The following TRHR variants were observed in gnomAD, a reference collection of about 807,000 sequenced individuals.
TRHR encodes thyrotropin releasing hormone receptor.
A neutral mutation model predicts 28.0 loss-of-function variants in TRHR; 14 were observed. The observed-to-expected ratio is 0.50, with a 90% CI of 0.33 to 0.78. The LOEUF is 0.78. Ranked by LOEUF, TRHR falls within the 30% of genes least tolerant of loss-of-function variation. The pLI is 0.02. For missense variants in TRHR, 438 were observed against 469.5 expected, an observed-to-expected ratio of 0.93 and a Z score of 0.62; for synonymous variants, 176 against 171.9, an observed-to-expected ratio of 1.02 and a Z score of -0.18.
intron 2 of TRHR, among the ~76,000 whole-genome samples, chr8:109,094,706 C>T (rs754083823): frequency 1.6e-4 from 24 of 150,198 alleles, no homozygotes; most frequent in Non-Finnish European, 3.6e-4. Context: ...TTTATATTTG[C>T]ATGTTGCAAA....
Position 109,120,078 on chromosome 8 carries a change from C to T in TRHR, c.*623C>T, listed in dbSNP as rs1811984132. On this transcript the variant is annotated 3_prime_UTR_variant, in exon 3 of 3. Coordinates refer to ENST00000518632, the MANE Select transcript of TRHR (RefSeq NM_003301.7). ...TCTTAGAAGGTAGATAATCATCACT[C>T]AACTTTAATGTAAAATAAACCTCAA... Among the ~76,000 whole-genome samples, 1 of 151,702 alleles carries T rather than the reference C, an allele frequency of 6.6e-6. No homozygotes were observed.
intron 2 of TRHR, among the ~76,000 whole-genome samples, chr8:109,106,673 T>C (rs1185633994): frequency 1.3e-5 from 2 of 152,134 alleles, no homozygotes; most frequent in East Asian, 1.9e-4. Context: ...TGCCCTTTTA[T>C]ATACCAGGAA....
chr8:109,104,854 T>C (rs1283936506), intron 2 of TRHR, among the ~76,000 whole-genome samples: 6 of 152,080 alleles, frequency 3.9e-5, no homozygotes, highest in Admixed American at 2.6e-4. Flanking sequence ...GCACCGGGGC[T>C]CATACCTGTA....
At chr8:109,109,139 T>A (rs1236758481) in intron 2 of TRHR, among the ~76,000 whole-genome samples, 1 of 152,138 alleles carries the variant, frequency 6.6e-6, no homozygotes, top group East Asian at 1.9e-4. Flanking sequence ...TAAACTCTTG[T>A]GTAGAAATAA....
At chr8:109,112,170 G>T (rs1811844197) in intron 2 of TRHR, among the ~76,000 whole-genome samples, 1 of 152,116 alleles carries the variant, frequency 6.6e-6, no homozygotes, top group African/African-American at 2.4e-5. Flanking sequence ...ACACATAGAA[G>T]GACAAAGCCA....
intron 2 of TRHR, among the ~76,000 whole-genome samples, chr8:109,094,862 T>C (rs1811565641): frequency 6.6e-6 from 1 of 152,062 alleles, no homozygotes; most frequent in Non-Finnish European, 1.5e-5. Flanking sequence ...AGAAACATCA[T>C]AAAATCAGCT....
chr8:109,087,860 A>C lies in TRHR; in HGVS notation c.348A>C (p.Ile116=). ...YLGINASSCS[I]TAFTIERYIA... is the part of the protein sequence containing the mutation. ...GAATTAATGCATCCTCTTGTTCAATAACAGCCTTTACCATTGAGAGGTACA... is the reference window on the plus strand; with the variant it reads ...GAATTAATGCATCCTCTTGTTCAATCACAGCCTTTACCATTGAGAGGTACA... Residue 116 remains isoleucine (I), a synonymous_variant, in exon 2 of 3, where the codon ATA becomes ATC. Transcript: ENST00000518632. The C allele has an allele frequency of 6.2e-7, 1 of 1,614,164 alleles. No individual in the cohort carries two copies. Among genetic ancestry groups the C allele is most frequent in the Non-Finnish European group, 8.5e-7 (1 of 1,180,034 alleles).
Position 109,120,573 on chromosome 8 carries a change from T to A in TRHR, c.*1118T>A, listed in dbSNP as rs5780. On this transcript the variant is annotated 3_prime_UTR_variant, in exon 3 of 3. Coordinates refer to ENST00000518632, the MANE Select transcript of TRHR (RefSeq NM_003301.7). Reference sequence around the variant, plus strand: ...TTGTTTGTAGGTTCTTTTTTTGTTTTTCTCAAATGCTAGTGATATTTTGTT... The same window carrying A: ...TTGTTTGTAGGTTCTTTTTTTGTTTATCTCAAATGCTAGTGATATTTTGTT... Among the ~76,000 whole-genome samples, 329 of 151,944 alleles carry A rather than the reference T, an allele frequency of 2.2e-3. No homozygotes were observed. Among genetic ancestry groups the A allele is most frequent in the Middle Eastern group, 0.02 (6 of 294 alleles).
chr8:109,101,768 A>G (rs1242485150), intron 2 of TRHR, among the ~76,000 whole-genome samples: 1 of 152,186 alleles, frequency 6.6e-6, no homozygotes, highest in Non-Finnish European at 1.5e-5. Flanking sequence ...CAGAAGAAAC[A>G]TATAGACTGG....
chr8:109,108,014 T>A (rs1184255144), intron 2 of TRHR, among the ~76,000 whole-genome samples: 1 of 152,166 alleles, frequency 6.6e-6, no homozygotes, highest in Non-Finnish European at 1.5e-5. Context: ...TGCCTATCCC[T>A]TGGCTGACTC....
intron 2 of TRHR, among the ~76,000 whole-genome samples, chr8:109,115,221 T>C (rs1811902000): frequency 6.6e-6 from 1 of 152,164 alleles, no homozygotes; most frequent in African/African-American, 2.4e-5. Flanking sequence ...ACTGTAGCTT[T>C]GTAGTATAGT....
chr8:109,100,658 A>C (rs7821463), intron 2 of TRHR, among the ~76,000 whole-genome samples: 1 of 151,980 alleles, frequency 6.6e-6, no homozygotes, highest in Non-Finnish European at 1.5e-5. Context: ...TCACAAAAAC[A>C]TTCACAATCT....
intron 2 of TRHR, among the ~76,000 whole-genome samples, chr8:109,098,088 G>A (rs1439547466): frequency 2.0e-5 from 3 of 151,520 alleles, no homozygotes; most frequent in Non-Finnish European, 4.4e-5. Flanking sequence ...CTCCTGCCTT[G>A]CCACATGTGA....
chr8:109,089,972 G>T (rs1361189986), intron 2 of TRHR, among the ~76,000 whole-genome samples: 1 of 152,016 alleles, frequency 6.6e-6, no homozygotes, highest in Admixed American at 6.6e-5. Context: ...GCTTTAATTT[G>T]CTAATTATGT....
At chr8:109,094,468 A>T (rs2129880286) in intron 2 of TRHR, among the ~76,000 whole-genome samples, 1 of 152,184 alleles carries the variant, frequency 6.6e-6, no homozygotes, top group South Asian at 2.1e-4. Flanking sequence ...GTTCAACTAT[A>T]TACTTAATAG....
intron 2 of TRHR, among the ~76,000 whole-genome samples, chr8:109,105,448 A>T (rs188478833): frequency 1.3e-5 from 2 of 152,326 alleles, no homozygotes; most frequent in African/African-American, 4.8e-5. Context: ...TATGTTGAAT[A>T]CTTGCACATC....
intron 2 of TRHR, among the ~76,000 whole-genome samples, chr8:109,092,407 ATTAT>A (rs932121087): frequency 1.3e-5 from 2 of 150,536 alleles, no homozygotes; most frequent in Non-Finnish European, 3.0e-5. Context: ...CTTTTTATTT[ATTAT>A]TTATTTATTT....
Position 109,087,769 on chromosome 8 carries a change from G to GT in TRHR, c.258dup (p.Ile87TyrfsTer24), listed in dbSNP as rs1204873703. The GT allele has an allele frequency of 6.2e-7, 1 of 1,614,024 alleles. No homozygotes were observed. Among genetic ancestry groups the GT allele is most frequent in the Non-Finnish European group, 8.5e-7 (1 of 1,180,048 alleles). On this transcript the variant is annotated frameshift_variant, in exon 2 of 3. Coordinates refer to ENST00000518632, the MANE Select transcript of TRHR (RefSeq NM_003301.7). LOFTEE classifies it high-confidence loss of function. ...GCAGGCCTCCCCAACATAACAGACA[G>GT]TATCTACGGTTCCTGGGTCTATGGC...
intron 2 of TRHR, among the ~76,000 whole-genome samples, chr8:109,104,699 T>C (rs1275147201): frequency 6.6e-6 from 1 of 152,126 alleles, no homozygotes; most frequent in African/African-American, 2.4e-5. Context: ...TGAGGCAACA[T>C]TGCAGACTCT....
Sources: allele counts gnomAD v4.1 joint callset (sites outside exome capture counted in the v4.1 genomes callset), GRCh38; gene constraint gnomAD v4.1.1; transcripts MANE v1.5; gene names NCBI Gene and HGNC (gene_info 2026-07-23, HGNC 2026-07-21).